Variants in EIF4G3 observed in about 807,000 individuals in gnomAD.
EIF4G3 encodes the protein eukaryotic translation initiation factor 4 gamma 3, also known as eIF-4-gamma 3.
EIF4G3 carries 34 observed loss-of-function variants against 186.4 expected under a neutral mutation model. The observed-to-expected ratio is 0.18, with a 90% CI of 0.14 to 0.24. The LOEUF (loss-of-function observed/expected upper bound fraction) is 0.24, where lower values mean the gene tolerates loss of function less well. EIF4G3 is among the 10% of genes least tolerant of loss of function. The pLI is 1.00. For synonymous variants in EIF4G3, 673 were observed against 679.5 expected (o/e 0.99, Z 0.15); for missense variants, 1,536 against 1,948.5 (o/e 0.79, Z 3.99).
At chr1:21,168,300 G>A (rs955960033) in intron 2 of EIF4G3, among the ~76,000 whole-genome samples, 4 of 152,080 alleles carry the variant, frequency 2.6e-5, no homozygotes, top group African/African-American at 9.7e-5. Flanking sequence ...AGCTACTCAG[G>A]AGGCTGAGGC....
chr1:20,857,858 A>G (rs1178483257), intron 24 of EIF4G3, among the ~76,000 whole-genome samples: 3 of 152,218 alleles, frequency 2.0e-5, no homozygotes, highest in African/African-American at 7.2e-5. Flanking sequence ...TATTTATTCT[A>G]AAGTATATTG....
chr1:20,881,530 T>C (rs1294176227), intron 19 of EIF4G3, among the ~76,000 whole-genome samples: 1 of 152,214 alleles, frequency 6.6e-6, no homozygotes, highest in African/African-American at 2.4e-5. Context: ...CTCATGCCTA[T>C]AATCCCAGCA....
At chr1:21,074,297 G>C (rs188254218) in intron 3 of EIF4G3, among the ~76,000 whole-genome samples, 129 of 152,210 alleles carry the variant, frequency 8.5e-4, no homozygotes, top group Middle Eastern at 6.8e-3. Flanking sequence ...AGCTGTGGCA[G>C]TCAAAAACAT....
At chr1:21,081,626 G>A (rs1342483015) in intron 3 of EIF4G3, among the ~76,000 whole-genome samples, 7 of 147,070 alleles carry the variant, frequency 4.8e-5, no homozygotes, top group Non-Finnish European at 8.9e-5. Context: ...CATTCCAGAA[G>A]ATGAGTCCAA....
chr1:20,853,603 G>A lies in EIF4G3; in HGVS notation c.3508C>T (p.Pro1170Ser). Residue 1170 changes from proline to serine, a missense_variant, in exon 27 of 37, where the codon CCA becomes TCA. Pro to Ser is a moderately conservative substitution (Grantham distance 74). Transcript: ENST00000602326. ...LQPPAPSGST[P>S]STPVEFDSRR... ...GAATCAAACTCTACAGGCGTGGATG[G>A]CGTGGACCCTGAGGGTGCTGGAGGT... 6.2e-7 allele frequency: 1 copy of A among 1,614,016 alleles called. No individual in the cohort carries two copies. Among genetic ancestry groups the A allele is most frequent in the Non-Finnish European group, 8.5e-7 (1 of 1,179,938 alleles).
intron 18 of EIF4G3, 100 bp downstream of exon 18, chr1:20,893,417 T>C: frequency 7.9e-7 from 1 of 1,259,138 alleles, no homozygotes; most frequent in Non-Finnish European, 1.1e-6. Context: ...TCTTCTTGAC[T>C]AGAATCAACG....
chr1:21,063,528 G>A (rs1166400099), intron 3 of EIF4G3, among the ~76,000 whole-genome samples: 2 of 151,930 alleles, frequency 1.3e-5, no homozygotes, highest in African/African-American at 4.8e-5. Context: ...TTTTAAAAAT[G>A]AGAAGTTGCT....
intron 29 of EIF4G3, among the ~76,000 whole-genome samples, chr1:20,844,233 C>T (rs1463129743): frequency 1.3e-5 from 2 of 152,182 alleles, no homozygotes; most frequent in African/African-American, 4.8e-5. Context: ...AATCGCCACA[C>T]TTCCACAATG....
chr1:21,086,594 C>T (rs1291950607), intron 3 of EIF4G3, among the ~76,000 whole-genome samples: 3 of 152,148 alleles, frequency 2.0e-5, no homozygotes, highest in South Asian at 2.1e-4. Flanking sequence ...CTTTCGCATG[C>T]AATTAACACG....
downstream of EIF4G3, chr1:20,806,312 A>G (rs1043792573): frequency 3.3e-5 from 5 of 152,542 alleles, no homozygotes; most frequent in African/African-American, 1.2e-4. Flanking sequence ...ATACATGTGC[A>G]TGCACATACG....
At chr1:21,057,489 C>T (rs982555187) in intron 3 of EIF4G3, among the ~76,000 whole-genome samples, 3 of 152,002 alleles carry the variant, frequency 2.0e-5, no homozygotes, top group Non-Finnish European at 4.4e-5. Context: ...TTTAGCAACA[C>T]TATAAAGAGA....
chr1:20,887,922 T>C (rs928562365), intron 18 of EIF4G3, among the ~76,000 whole-genome samples: 8 of 152,214 alleles, frequency 5.3e-5, no homozygotes, highest in South Asian at 2.1e-4. Flanking sequence ...ATTAATAACT[T>C]ACTAAATGGT....
intron 2 of EIF4G3, among the ~76,000 whole-genome samples, chr1:21,127,071 C>T (rs1170778218): frequency 1.3e-5 from 2 of 152,124 alleles, no homozygotes; most frequent in African/African-American, 4.8e-5. Context: ...CAGCTTCGAC[C>T]TCTCAGGCTC....
chr1:20,977,636 T>G (rs2077114518), intron 10 of EIF4G3, among the ~76,000 whole-genome samples: 1 of 152,148 alleles, frequency 6.6e-6, no homozygotes, highest in Admixed American at 6.5e-5. Context: ...TGCATGAGAA[T>G]TTACTGGGGA....
chr1:20,944,771 T>TGA (rs2095868614), intron 13 of EIF4G3, among the ~76,000 whole-genome samples: 1 of 150,178 alleles, frequency 6.7e-6, no homozygotes, highest in Non-Finnish European at 1.5e-5. Context: ...GGTGAGCTCA[T>TGA]GCCTGTAAAT....
intron 2 of EIF4G3, among the ~76,000 whole-genome samples, chr1:21,117,678 T>C (rs1336585622): frequency 7.2e-6 from 1 of 139,234 alleles, no homozygotes; most frequent in Non-Finnish European, 1.5e-5. Flanking sequence ...ACCCTGAGCA[T>C]GAAAGCACTC....
intron 36 of EIF4G3, among the ~76,000 whole-genome samples, chr1:20,809,207 G>A (rs934186954): frequency 7.2e-5 from 11 of 152,050 alleles, no homozygotes; most frequent in South Asian, 2.1e-4. Flanking sequence ...TCCTGACCTC[G>A]GGTGATCTGC....
At chr1:21,111,304 C>A (rs548606010) in intron 2 of EIF4G3, 2 of 471,110 alleles carry the variant, frequency 4.2e-6, no homozygotes, top group African/African-American at 2.0e-5. Flanking sequence ...ATCCTAGATT[C>A]GTTTGCCAGC....
In EIF4G3 at chr1:20,992,154, C is replaced by T. The variant is rs190986568; in HGVS notation, c.177+5447G>A. On this transcript the variant is annotated intron_variant, in intron 7 of 36. Transcript: ENST00000602326. ...TGAATGAGATACCAGATAAAACCAC[C>T]CATCACTCACTTGTACCAAGCTCCA... is the stretch of plus-strand genomic sequence containing the variant. Among the ~76,000 whole-genome samples the T allele has an allele frequency of 1.4e-4, 21 of 152,176 alleles. 1 individual carries two copies. The East Asian group carries it at 4.1e-3, about 29-fold the overall frequency.
Sources: gnomAD v4.1 joint callset for allele counts (sites outside exome capture counted in the v4.1 genomes callset) on GRCh38, gnomAD v4.1.1 for gene constraint, MANE v1.5 for transcripts, NCBI Gene and HGNC (gene_info 2026-07-23, HGNC 2026-07-21) for gene names.